Variants in LMNB2 observed in about 807,000 individuals in gnomAD.
LMNB2 encodes the protein lamin B2, also known as lamin-B2.
In LMNB2, 17 loss-of-function variants were observed where a neutral mutation model predicts 69.3. The ratio of observed to expected loss-of-function variants is 0.25; its 90% CI spans 0.17 to 0.37. The LOEUF (loss-of-function observed/expected upper bound fraction) is 0.37, where lower values mean the gene tolerates loss of function less well. Among genes scored for constraint, LMNB2 ranks in the 10% least tolerant of loss-of-function variants. The pLI, the probability that LMNB2 is intolerant of heterozygous loss-of-function variation, is 1.00. For missense variants in LMNB2, 789 were observed against 883.6 expected (o/e 0.89, Z 1.36); for synonymous variants, 397 against 389.3 (o/e 1.02, Z -0.23).
chr19:2,455,929 T>G (rs910818850), intron 1 of LMNB2, among the ~76,000 whole-genome samples: 1 of 132,874 alleles, frequency 7.5e-6, no homozygotes, highest in Admixed American at 7.3e-5. Flanking sequence ...CAGGGACCCC[T>G]TGAAACCCCC....
intron 7 of LMNB2, 49 bp from the exon 8 acceptor site, chr19:2,434,154 G>A (rs776659981): frequency 1.2e-5 from 18 of 1,558,822 alleles, no homozygotes; most frequent in Non-Finnish European, 1.6e-5. Flanking sequence ...GCCCCAGACA[G>A]CCCAGGGCAC....
intron 8 of LMNB2, among the ~76,000 whole-genome samples, 185 bp from the exon 9 acceptor site, chr19:2,432,708 C>A (rs1971758361): frequency 6.6e-6 from 1 of 150,622 alleles, no homozygotes; most frequent in Non-Finnish European, 1.5e-5. Flanking sequence ...GCGGCCCTGT[C>A]ACCCTGACCC....
chr19:2,431,427 C>CCA (rs1971737834), intron 11 of LMNB2, 121 bp downstream of exon 11: 1 of 1,302,828 alleles, frequency 7.7e-7, no homozygotes, highest in Non-Finnish European at 1.1e-6. Context: ...TCACCCTGAG[C>CCA]CACGGCAGCC....
intron 1 of LMNB2, among the ~76,000 whole-genome samples, chr19:2,450,121 C>CACATATATATATATAT (rs1555684456): frequency 2.8e-5 from 4 of 142,366 alleles, no homozygotes; most frequent in African/African-American, 1.0e-4. Flanking sequence ...TATATATACA[C>CACATATATATATATAT]ATATATATAT....
rs780297843 is a variant in LMNB2 at position 2,444,410 on chromosome 19, T to A, written c.395A>T (p.Asn132Ile). 2 of 1,613,786 alleles carry A rather than the reference T, an allele frequency of 1.2e-6. No individual in the cohort carries two copies. Among genetic ancestry groups the A allele is most frequent in the East Asian group, 2.2e-5 (1 of 44,870 alleles). Residue 132 changes from asparagine (N) to isoleucine (I), a missense_variant, in exon 2 of 12, where the codon AAC becomes ATC. Transcript: ENST00000325327. ...CCCAGCCGTGACCACTCACCTCTTG[T>A]TGACCTCGTCCAACTCTGCCCTCAG... ...GKLRAELDEV[N>I]KSAKKREGEL...
At position 2,430,845 on chromosome 19, in the gene LMNB2, C is replaced by T. The variant is rs987795885; in HGVS notation, c.*66G>A. On this transcript the variant is annotated 3_prime_UTR_variant, in exon 12 of 12. Transcript: ENST00000325327. The stretch of plus-strand genomic sequence containing the variant: ...AAATGTATCAAGAACTAAAGAAAGC[C>T]AATGATATAAAAATAGTTTTCAGTG... 2 of 1,030,316 alleles carry T rather than the reference C, an allele frequency of 1.9e-6. No individual in the cohort carries two copies. Among genetic ancestry groups the T allele is most frequent in the African/African-American group, 3.1e-5 (2 of 63,656 alleles). The allele number at this position is 1,030,316 out of a possible 1,614,324, so 63.8% of individuals were successfully genotyped here. A position where few individuals can be genotyped will look rare whatever the true frequency, so the allele number is the denominator to read the frequency against.
rs189361311 is a variant in LMNB2, at chr19:2,430,373, T to A, written c.*538A>T. The A allele has an allele frequency of 2.3e-4, 42 of 183,484 alleles. No homozygotes were observed. The East Asian group carries it at 5.1e-3, about 22-fold the overall frequency. The allele number at this position is 183,484 out of a possible 1,614,324, so 11.4% of individuals were successfully genotyped here. ...AAAACCCGCCCTGGGGGCCACGCCA[T>A]CCCCATGCTGGCCCACACCCGCTGC... On this transcript the variant is annotated 3_prime_UTR_variant, in exon 12 of 12. Coordinates refer to ENST00000325327, the MANE Select transcript of LMNB2 (RefSeq NM_032737.4).
Position 2,439,890 on chromosome 19 carries a change from GC to G in LMNB2, c.402-1360del, listed in dbSNP as rs879884300. On this transcript the variant is annotated intron_variant, in intron 2 of 11. Transcript: ENST00000325327. Reference sequence around the variant, plus strand: ...CTGGGATTACAGGCATGCGCCACCAGCGTCCGCTAATTTTTTATTTTTAGTA... The same window carrying G: ...CTGGGATTACAGGCATGCGCCACCAGGTCCGCTAATTTTTTATTTTTAGTA... Among the ~76,000 whole-genome samples the G allele has an allele frequency of 2.6e-5, 4 of 151,408 alleles. No individual in the cohort carries two copies. In the South Asian group the frequency reaches 8.4e-4, roughly 32 times the overall value.
chr19:2,451,327 TATAA>T (rs1457911641), intron 1 of LMNB2, among the ~76,000 whole-genome samples: 2 of 152,248 alleles, frequency 1.3e-5, no homozygotes, highest in South Asian at 2.1e-4. Context: ...GTTCCATGTG[TATAA>T]ATAAAGTTTT....
At position 2,442,154 on chromosome 19, in the gene LMNB2, T is replaced by C. The variant is rs556413358; in HGVS notation, c.401+2250A>G. ...CATTGTGGGGTTTTGGAGATAAATT[T>C]GTTAGGATAAGAAAAACATTAGGCT... On this transcript the variant is annotated intron_variant, in intron 2 of 11. Coordinates refer to ENST00000325327, the MANE Select transcript of LMNB2 (RefSeq NM_032737.4). Among the ~76,000 whole-genome samples the C allele has an allele frequency of 4.6e-5, 7 of 152,258 alleles. No individual in the cohort carries two copies. In the South Asian group the frequency reaches 1.5e-3, roughly 32 times the overall value.
chr19:2,438,673 G>A (rs1023295689), intron 2 of LMNB2, 142 bp from the exon 3 acceptor site: 47 of 987,836 alleles, frequency 4.8e-5, no homozygotes, highest in East Asian at 1.3e-4. Flanking sequence ...CAGACGACGC[G>A]GCCCCACGCG....
In LMNB2 at chr19:2,438,340, C is replaced by A. The variant is rs763688406; in HGVS notation, c.558+35G>T. The A allele has an allele frequency of 1.2e-5, 20 of 1,613,400 alleles. No homozygotes were observed. The Admixed American group carries it at 3.2e-4, about 26-fold the overall frequency. On this transcript the variant is annotated intron_variant, in intron 3 of 11. Transcript: ENST00000325327. ...TGTGACAATCTGTCTGTTGCATATA[C>A]CCTGCTGGGGCGTCCCGTGGCTCCT...
At position 2,438,361 on chromosome 19, in the gene LMNB2, C is replaced by A. The variant is rs537366818; in HGVS notation, c.558+14G>T. On this transcript the variant is annotated intron_variant, in intron 3 of 11. Coordinates refer to ENST00000325327, the MANE Select transcript of LMNB2 (RefSeq NM_032737.4). ...TATACCCTGCTGGGGCGTCCCGTGGCTCCTGGCACCTACCTTGGCCAGCTG... is the reference window on the plus strand; with the variant it reads ...TATACCCTGCTGGGGCGTCCCGTGGATCCTGGCACCTACCTTGGCCAGCTG... The A allele has an allele frequency of 1.9e-6, 3 of 1,613,204 alleles. No individual in the cohort carries two copies. The South Asian group carries it at 3.3e-5, about 18-fold the overall frequency.
In LMNB2 at chr19:2,431,027, C is replaced by G. The variant is rs1009731609; in HGVS notation, c.1822-75G>C. On this transcript the variant is annotated intron_variant, in intron 11 of 11. Transcript: ENST00000325327. ...GGCAGCCGGCAGGTAGATGGCTGCC[C>G]CCACCTCCCCACCAGGGAGGGGCTG... The G allele has an allele frequency of 4.6e-6, 4 of 867,240 alleles. No individual in the cohort carries two copies. The Admixed American group carries it at 7.1e-5, about 15-fold the overall frequency. The allele number at this position is 867,240 out of a possible 1,614,324, so 53.7% of individuals were successfully genotyped here.
At chr19:2,434,218 G>A in intron 7 of LMNB2, 77 bp downstream of exon 7, 2 of 1,480,040 alleles carry the variant, frequency 1.4e-6, no homozygotes, top group African/African-American at 1.5e-5. Flanking sequence ...AGCACTCCCC[G>A]CAGCCCCGTC....
In LMNB2 at chr19:2,434,965, ACCGGCCGCCCCCGCCCACCCGCCTG is replaced by A; in HGVS notation, c.855+11_855+35del. ...GGGCGCGGGGCGGGGCGGGGTTCCC[ACCGGCCGCCCCCGCCCACCCGCCTG>A]CCGGCCACACCTTGGCCTGGTAGGT... On this transcript the variant is annotated intron_variant, in intron 5 of 11. Coordinates refer to ENST00000325327, the MANE Select transcript of LMNB2 (RefSeq NM_032737.4). 1 of 1,312,652 alleles carries A rather than the reference ACCGGCCGCCCCCGCCCACCCGCCTG, an allele frequency of 7.6e-7. No homozygotes were observed. Among genetic ancestry groups the A allele is most frequent in the Non-Finnish European group, 1.0e-6 (1 of 960,802 alleles). 81.3% of individuals were successfully genotyped at this position (1,312,652 alleles called of 1,614,324 possible). A position where few individuals can be genotyped will look rare whatever the true frequency, so the allele number is the denominator to read the frequency against.
intron 7 of LMNB2, 40 bp from the exon 8 acceptor site, chr19:2,434,145 C>T: frequency 6.4e-7 from 1 of 1,559,212 alleles, no homozygotes; most frequent in Admixed American, 1.9e-5. Flanking sequence ...GTAGTGGGAG[C>T]CCCAGACAGC....
rs938556721 is a variant in LMNB2, at chr19:2,429,971, A to T, written c.*940T>A. 2.0e-5 allele frequency: 3 copies of T among 152,190 alleles called. No homozygotes were observed. Among genetic ancestry groups the T allele is most frequent in the African/African-American group, 7.2e-5 (3 of 41,404 alleles). The allele number at this position is 152,190 out of a possible 1,614,324, so 9.4% of individuals were successfully genotyped here. A position where few individuals can be genotyped will look rare whatever the true frequency, so the allele number is the denominator to read the frequency against. On this transcript the variant is annotated 3_prime_UTR_variant, in exon 12 of 12. Transcript: ENST00000325327. ...AGAAAATCACAGATAAAAGCACAGT[A>T]TGGATAGACGCATGTGTATATATAG...
At chr19:2,439,901 T>G (rs1466719285) in intron 2 of LMNB2, among the ~76,000 whole-genome samples, 1 of 151,934 alleles carries the variant, frequency 6.6e-6, no homozygotes, top group Non-Finnish European at 1.5e-5. Flanking sequence ...CGTCCGCTAA[T>G]TTTTTATTTT....
Sources: gnomAD v4.1 joint callset for allele counts (sites outside exome capture counted in the v4.1 genomes callset) on GRCh38, gnomAD v4.1.1 for gene constraint, MANE v1.5 for transcripts, NCBI Gene and HGNC (gene_info 2026-07-23, HGNC 2026-07-21) for gene names.